TBCK: variants seen among roughly 807,000 people sequenced by gnomAD.
TBCK encodes TBC1 domain containing kinase, also known as TBC domain-containing protein kinase-like protein.
A neutral mutation model predicts 113.4 loss-of-function variants in TBCK; 99 were observed. The observed-to-expected ratio is 0.87, with a 90% CI of 0.74 to 1.03. The LOEUF (loss-of-function observed/expected upper bound fraction) is 1.03, where lower values mean the gene tolerates loss of function less well. TBCK is among the 50% of genes least tolerant of loss of function. The pLI, the probability that TBCK is intolerant of heterozygous loss-of-function variation, is 0.00. For missense variants in TBCK, 1,045 were observed against 1,061.3 expected, an observed-to-expected ratio of 0.98 and a Z score of 0.21; for synonymous variants, 369 against 370.8, an observed-to-expected ratio of 1.00 and a Z score of 0.05.
At chr4:106,058,717 G>T (rs752879045) in intron 25 of TBCK, among the ~76,000 whole-genome samples, 108 of 151,856 alleles carry the variant, frequency 7.1e-4, no homozygotes, top group Non-Finnish European at 1.5e-3. Context: ...TATAAAAGAT[G>T]ATTAGGATTC....
intron 3 of TBCK, among the ~76,000 whole-genome samples, chr4:106,271,183 T>G (rs1763436340): frequency 6.6e-6 from 1 of 152,144 alleles, no homozygotes; most frequent in Non-Finnish European, 1.5e-5. Flanking sequence ...CTTTCAGTTC[T>G]CAATACTATG....
intron 22 of TBCK, among the ~76,000 whole-genome samples, chr4:106,179,975 C>A (rs1273156024): frequency 1.3e-5 from 2 of 152,002 alleles, no homozygotes; most frequent in East Asian, 3.9e-4. Flanking sequence ...TGACTTTTAT[C>A]ATCATATAAT....
chr4:106,131,485 T>C (rs1391335421), intron 23 of TBCK, among the ~76,000 whole-genome samples: 2 of 152,170 alleles, frequency 1.3e-5, no homozygotes, highest in Non-Finnish European at 2.9e-5. Flanking sequence ...TGGTGGCGCA[T>C]GCCTGTAATC....
intron 2 of TBCK, among the ~76,000 whole-genome samples, chr4:106,301,453 TTAAC>T: frequency 6.6e-6 from 1 of 152,274 alleles, no homozygotes; most frequent in East Asian, 1.9e-4. Context: ...ATAAAATTTG[TTAAC>T]ATAGTATTTT....
intron 25 of TBCK, among the ~76,000 whole-genome samples, chr4:106,063,030 C>T (rs1048778693): frequency 1.1e-4 from 17 of 151,948 alleles, no homozygotes; most frequent in African/African-American, 3.6e-4. Context: ...ATGAGTCTTT[C>T]GAAGTAATCT....
chr4:106,175,293 T>A (rs1440173192), intron 22 of TBCK, among the ~76,000 whole-genome samples: 2 of 151,970 alleles, frequency 1.3e-5, no homozygotes, highest in African/African-American at 4.8e-5. Context: ...TTGGAAGCTT[T>A]CCTCAGAGAT....
chr4:106,199,553 C>T (rs1422916356), intron 20 of TBCK, among the ~76,000 whole-genome samples: 1 of 152,174 alleles, frequency 6.6e-6, no homozygotes, highest in East Asian at 1.9e-4. Flanking sequence ...ATCCAAATGC[C>T]TGTTTTCTCC....
chr4:106,096,486 T>C (rs553298787), intron 24 of TBCK, among the ~76,000 whole-genome samples: 1 of 152,314 alleles, frequency 6.6e-6, no homozygotes, highest in East Asian at 1.9e-4. Flanking sequence ...TATGAACATC[T>C]TTCCTTTTTT....
chr4:106,107,183 TA>T (rs1400977845), intron 24 of TBCK, among the ~76,000 whole-genome samples: 2 of 152,134 alleles, frequency 1.3e-5, no homozygotes, highest in Non-Finnish European at 2.9e-5. Context: ...CACACAATAA[TA>T]GTGGGAAACT....
rs374243289 is a variant in TBCK, at chr4:106,212,843, T to C, written c.1775-8A>G. On this transcript the variant is annotated splice_region_variant and splice_polypyrimidine_tract_variant and intron_variant, in intron 19 of 25. Transcript: ENST00000394708. Reference sequence around the variant, plus strand: ...AGAAGACAGTCAGATACTCTGAAATTACAAAGTTTGAGACAATCATCATTT... The same window carrying C: ...AGAAGACAGTCAGATACTCTGAAATCACAAAGTTTGAGACAATCATCATTT... 2.3e-5 allele frequency: 36 copies of C among 1,597,200 alleles called. No individual in the cohort carries two copies. Among genetic ancestry groups the C allele is most frequent in the Non-Finnish European group, 3.0e-5 (35 of 1,166,508 alleles).
In TBCK at chr4:106,116,475, T is replaced by C. The variant is rs1743521333; in HGVS notation, c.2236-97A>G. ...TATCTTGATACCAAACAATACAGCA[T>C]ATAAGAGAAGAGGAAACTATCTAAT... On this transcript the variant is annotated intron_variant, in intron 23 of 25. Transcript: ENST00000394708. 3.1e-6 allele frequency: 3 copies of C among 960,854 alleles called. No homozygotes were observed. The African/African-American group carries it at 5.0e-5, about 16-fold the overall frequency. The allele number at this position is 960,854 out of a possible 1,614,324, so 59.5% of individuals were successfully genotyped here. A position where few individuals can be genotyped will look rare whatever the true frequency, so the allele number is the denominator to read the frequency against.
At chr4:106,214,075 G>A (rs1484795870) in intron 19 of TBCK, among the ~76,000 whole-genome samples, 2 of 152,140 alleles carry the variant, frequency 1.3e-5, no homozygotes, top group Admixed American at 6.5e-5. Context: ...CCCCCGAGCA[G>A]CCTAACTGGG....
In TBCK at chr4:106,212,205, T is replaced by C. The variant is rs976521588; in HGVS notation, c.1860+545A>G. ...AATTGTATACATTTATTGGATACAA[T>C]GTGATGTTTTGATATATGTTTATTC... On this transcript the variant is annotated intron_variant, in intron 20 of 25. Transcript: ENST00000394708. Among the ~76,000 whole-genome samples the C allele has an allele frequency of 3.9e-5, 6 of 152,278 alleles. No individual in the cohort carries two copies. The East Asian group carries it at 1.2e-3, about 29-fold the overall frequency.
chr4:106,197,340 G>T (rs1172015115), intron 20 of TBCK, among the ~76,000 whole-genome samples: 1 of 107,326 alleles, frequency 9.3e-6, no homozygotes, highest in Non-Finnish European at 1.9e-5. Flanking sequence ...AATTACTGAA[G>T]AGTGTGTGTG....
chr4:106,235,346 G>T lies in TBCK; in HGVS notation c.1372C>A (p.Gln458Lys), dbSNP rs1759333124. ...TCAACTCTTGCTTCTTTCCAGATTT[G>T]GTTTTTTTTATATGGATAAGCCTAT... ...LLKAYPYKKN[Q>K]IWKEARVDIP... The change falls in exon 15 of 26, where the codon CAA becomes AAA. Residue 458 changes from glutamine (Q) to lysine (K), a missense_variant. By Grantham distance (53) the Gln-to-Lys change is moderately conservative. Coordinates refer to ENST00000394708, the MANE Select transcript of TBCK (RefSeq NM_001163435.3). The T allele has an allele frequency of 6.2e-7, 1 of 1,608,186 alleles. No individual in the cohort carries two copies. Among genetic ancestry groups the T allele is most frequent in the African/African-American group, 1.3e-5 (1 of 74,596 alleles).
chr4:106,177,210 CATTT>C (rs1751781068), intron 22 of TBCK, among the ~76,000 whole-genome samples: 1 of 151,742 alleles, frequency 6.6e-6, no homozygotes. Context: ...TTTGGCTATT[CATTT>C]GAGTTCTTTA....
chr4:106,202,364 C>T lies in TBCK; in HGVS notation c.1861-7610G>A, dbSNP rs543246168. Among the ~76,000 whole-genome samples, 5 of 151,884 alleles carry T rather than the reference C, an allele frequency of 3.3e-5. No individual in the cohort carries two copies. In the South Asian group the frequency reaches 1.0e-3, roughly 32 times the overall value. On this transcript the variant is annotated intron_variant, in intron 20 of 25. Transcript: ENST00000394708. ...ATGATGGAATCATCTACAAGGATAG[C>T]ACAGTACTAAAATAAATCATCACTA...
chr4:106,153,130 C>T (rs1386537794), intron 23 of TBCK, among the ~76,000 whole-genome samples: 1 of 151,856 alleles, frequency 6.6e-6, no homozygotes, highest in African/African-American at 2.4e-5. Flanking sequence ...GCTCATTTTA[C>T]TAATTCTTTA....
At chr4:106,237,729 T>C (rs962343328) in intron 12 of TBCK, among the ~76,000 whole-genome samples, 1 of 152,204 alleles carries the variant, frequency 6.6e-6, no homozygotes, top group Non-Finnish European at 1.5e-5. Context: ...CAATGTGCTA[T>C]GTACTTATCC....
Sources: allele counts gnomAD v4.1 joint callset (sites outside exome capture counted in the v4.1 genomes callset), GRCh38; gene constraint gnomAD v4.1.1; transcripts MANE v1.5; gene names NCBI Gene and HGNC (gene_info 2026-07-23, HGNC 2026-07-21).